PCDHGA12: variants seen among roughly 807,000 people sequenced by gnomAD.
PCDHGA12 encodes protocadherin gamma subfamily A, 12.
Under a neutral mutation model 61.1 loss-of-function variants are expected in PCDHGA12, and 43 were observed. The ratio of observed to expected loss-of-function variants is 0.70; its 90% CI spans 0.55 to 0.91. The LOEUF (loss-of-function observed/expected upper bound fraction) is 0.91, where lower values mean the gene tolerates loss of function less well. Ranked by LOEUF, PCDHGA12 falls within the 40% of genes least tolerant of loss-of-function variation. PCDHGA12 has a pLI of 0.00. For synonymous variants in PCDHGA12, 520 were observed against 542.9 expected, an observed-to-expected ratio of 0.96 and a Z score of 0.59; for missense variants, 1,236 against 1,227.7, an observed-to-expected ratio of 1.01 and a Z score of -0.10.
intron 1 of PCDHGA12, among the ~76,000 whole-genome samples, chr5:141,466,704 T>C (rs1175063183): frequency 6.6e-6 from 1 of 152,202 alleles, no homozygotes; most frequent in Admixed American, 6.5e-5. Context: ...AAATTTGATG[T>C]CTGTTCTTGT....
At chr5:141,478,808 T>C in intron 1 of PCDHGA12, 1 of 1,459,124 alleles carries the variant, frequency 6.9e-7, no homozygotes, top group African/African-American at 1.4e-5. Flanking sequence ...TCTTTTGCTA[T>C]CACAACTAAC....
chr5:141,490,200 A>G lies in PCDHGA12; in HGVS notation c.2425-4607A>G. 6.2e-6 allele frequency: 10 copies of G among 1,614,198 alleles called. No homozygotes were observed. The highest frequency in any genetic ancestry group is 8.5e-6 in the Non-Finnish European group (10 of 1,180,032). ...AGTCACGTTTCTATGAAATTCATGC[A>G]AGAGCCCGTGACCAGGGACAGCCTG... On this transcript the variant is annotated intron_variant, in intron 1 of 3. Coordinates refer to ENST00000252085, the MANE Select transcript of PCDHGA12 (RefSeq NM_003735.3). The surrounding 1 kb of genome is among the most constrained non-coding windows in gnomAD (Gnocchi z 5.4).
Position 141,438,625 on chromosome 5 carries a change from TATATATATATACAC to T in PCDHGA12, c.2424+5444_2424+5457del, listed in dbSNP as rs1291649000. Among the ~76,000 whole-genome samples, 88 of 46,398 alleles carry T rather than the reference TATATATATATACAC, an allele frequency of 1.9e-3. 1 individual carries two copies. The highest frequency in any genetic ancestry group is 8.6e-3 in the African/African-American group (72 of 8,380). 30.4% of individuals were successfully genotyped at this position (46,398 alleles called of 152,430 possible). A position where few individuals can be genotyped will look rare whatever the true frequency, so the allele number is the denominator to read the frequency against. ...ATATATATATATATATATATATATATATATATATATACACACACACACACACATATATGTATATA... is the reference window on the plus strand; with the variant it reads ...ATATATATATATATATATATATATATACACACACACACATATATGTATATA... On this transcript the variant is annotated intron_variant, in intron 1 of 3. Transcript: ENST00000252085.
At position 141,431,790 on chromosome 5, in the gene PCDHGA12, C is replaced by G; in HGVS notation, c.1031C>G (p.Ala344Gly). ...LITVLDVNDNAPEVVLTSLAS... is the reference protein window; with the variant it reads ...LITVLDVNDNGPEVVLTSLAS... ...ACTGTTCTGGACGTGAACGACAATG[C>G]CCCAGAAGTGGTCCTCACCTCTCTC... The change falls in exon 1 of 4, where the codon GCC (alanine) becomes GGC (glycine). Residue 344 changes from alanine (A) to glycine (G), a missense_variant. Physicochemically the swap from Ala to Gly is moderately conservative, Grantham distance 60. Coordinates refer to ENST00000252085, the MANE Select transcript of PCDHGA12 (RefSeq NM_003735.3). The surrounding 1 kb of genome is among the most constrained non-coding windows in gnomAD (Gnocchi z 4.8). 1 of 1,614,186 alleles carries G rather than the reference C, an allele frequency of 6.2e-7. No homozygotes were observed. Among genetic ancestry groups the G allele is most frequent in the Non-Finnish European group, 8.5e-7 (1 of 1,180,016 alleles).
intron 2 of PCDHGA12, among the ~76,000 whole-genome samples, chr5:141,504,782 G>A (rs2099841011): frequency 6.6e-6 from 1 of 151,926 alleles, no homozygotes; most frequent in Non-Finnish European, 1.5e-5. Context: ...AGGGTCTCTT[G>A]GGGCCTCCTA....
In PCDHGA12 at chr5:141,511,351, C is replaced by A. The variant is rs1190324197; in HGVS notation, c.*178C>A. 11 of 1,386,432 alleles carry A rather than the reference C, an allele frequency of 7.9e-6. No individual in the cohort carries two copies. Among genetic ancestry groups the A allele is most frequent in the South Asian group, 4.5e-5 (3 of 67,158 alleles). The allele number at this position is 1,386,432 out of a possible 1,614,324, so 85.9% of individuals were successfully genotyped here. On this transcript the variant is annotated 3_prime_UTR_variant, in exon 4 of 4. Transcript: ENST00000252085. ...CCAGTCAGCACCTACCCCTTCCCCC[C>A]CAGGGGGTTGAATATGCAAAAGCAG...
Position 141,491,737 on chromosome 5 carries a change from G to C in PCDHGA12, c.2425-3070G>C, listed in dbSNP as rs548808722. 1.2e-6 allele frequency: 2 copies of C among 1,600,586 alleles called. No homozygotes were observed. The highest frequency in any genetic ancestry group is 2.7e-5 in the African/African-American group (2 of 74,486). On this transcript the variant is annotated intron_variant, in intron 1 of 3. Transcript: ENST00000252085. The surrounding 1 kb of genome is among the most constrained non-coding windows in gnomAD (Gnocchi z 6.9). ...GGCGCCGCCCCGGGCGACCCCTGGG[G>C]GCGGCACTGGAGAAGCCGCCCGTCC...
Position 141,431,877 on chromosome 5 carries a change from AC to A in PCDHGA12, c.1120del (p.Gln374LysfsTer9). 1 of 1,614,230 alleles carries A rather than the reference AC, an allele frequency of 6.2e-7. No individual in the cohort carries two copies. The highest frequency in any genetic ancestry group is 1.3e-5 in the African/African-American group (1 of 75,070). ...TTAATTGCCCTTTTAAATGTAAATGACCAAGATTCTGAGGAAAACGGACAGG... is the reference window on the plus strand; with the variant it reads ...TTAATTGCCCTTTTAAATGTAAATGACAAGATTCTGAGGAAAACGGACAGG... ...GTLIALLNVN[D>X]QDSEENGQVI... On this transcript the variant is annotated frameshift_variant, in exon 1 of 4. Coordinates refer to ENST00000252085, the MANE Select transcript of PCDHGA12 (RefSeq NM_003735.3). LOFTEE classifies it high-confidence loss of function. The surrounding 1 kb of genome is among the most constrained non-coding windows in gnomAD (Gnocchi z 4.8).
intron 1 of PCDHGA12, among the ~76,000 whole-genome samples, chr5:141,461,288 A>G (rs1049761514): frequency 2.0e-5 from 3 of 152,092 alleles, no homozygotes; most frequent in Admixed American, 1.3e-4. Flanking sequence ...CCCCACATCC[A>G]CACCAACATC....
At chr5:141,451,154 TTTTTGGTAGTATA>T (rs2098709149) in intron 1 of PCDHGA12, among the ~76,000 whole-genome samples, 1 of 152,152 alleles carries the variant, frequency 6.6e-6, no homozygotes, top group Non-Finnish European at 1.5e-5. Flanking sequence ...ACTAGACATT[TTTTTGGTAGTATA>T]TTATTTAGCC....
At chr5:141,470,961 C>T (rs1447105252) in intron 1 of PCDHGA12, among the ~76,000 whole-genome samples, 1 of 152,036 alleles carries the variant, frequency 6.6e-6, no homozygotes, top group Non-Finnish European at 1.5e-5. Context: ...AAGTGATCCT[C>T]CCACCTCAGC....
chr5:141,471,631 G>A (rs573080972), intron 1 of PCDHGA12: 7 of 152,188 alleles, frequency 4.6e-5, no homozygotes, highest in African/African-American at 9.6e-5. Flanking sequence ...CATTGGTATG[G>A]ATTAGTAATA....
At position 141,489,076 on chromosome 5, in the gene PCDHGA12, C is replaced by T. The variant is rs536134432; in HGVS notation, c.2425-5731C>T. The T allele has an allele frequency of 6.1e-6, 2 of 326,424 alleles. No individual in the cohort carries two copies. Among genetic ancestry groups the T allele is most frequent in the East Asian group, 5.8e-5 (1 of 17,220 alleles). 20.2% of individuals were successfully genotyped at this position (326,424 alleles called of 1,614,324 possible). On this transcript the variant is annotated intron_variant, in intron 1 of 3. Coordinates refer to ENST00000252085, the MANE Select transcript of PCDHGA12 (RefSeq NM_003735.3). The surrounding 1 kb of genome is among the most constrained non-coding windows in gnomAD (Gnocchi z 4.5). The stretch of plus-strand genomic sequence containing the variant: ...CAGCTCCCCTCCCCCCTGCCCACCC[C>T]CGCCACTCGGTGACTAAGAACTGCT...
intron 2 of PCDHGA12, among the ~76,000 whole-genome samples, chr5:141,496,769 C>T (rs1434587849): frequency 2.0e-5 from 3 of 152,064 alleles, no homozygotes; most frequent in African/African-American, 7.3e-5. Flanking sequence ...CGAGCATCTA[C>T]TATGAGCAGG....
Position 141,430,857 on chromosome 5 carries a change from A to C in PCDHGA12, c.98A>C (p.Tyr33Ser), listed in dbSNP as rs748992376. 1.9e-6 allele frequency: 3 copies of C among 1,591,316 alleles called. No individual in the cohort carries two copies. Among genetic ancestry groups the C allele is most frequent in the Non-Finnish European group, 2.6e-6 (3 of 1,170,366 alleles). ...LWETGCTQIR[Y>S]SVPEELEKGS... ...GAGACCGGATGCACCCAGATACGCT[A>C]TTCAGTTCCGGAAGAGCTGGAGAAA... The change falls in exon 1 of 4, where the codon TAT (tyrosine) becomes TCT (serine). Residue 33 changes from tyrosine to serine, a missense_variant. Transcript: ENST00000252085.
chr5:141,469,226 A>G (rs998643671), intron 1 of PCDHGA12, among the ~76,000 whole-genome samples: 1 of 152,066 alleles, frequency 6.6e-6, no homozygotes, highest in Non-Finnish European at 1.5e-5. Context: ...TCAGTGAGCC[A>G]TGATCACCCC....
intron 2 of PCDHGA12, among the ~76,000 whole-genome samples, chr5:141,497,541 T>A (rs1157403777): frequency 1.1e-5 from 1 of 89,566 alleles, no homozygotes; most frequent in Admixed American, 1.2e-4. Context: ...GCAACAAACC[T>A]TTTTTTTTTT....
chr5:141,430,641 T>G lies in PCDHGA12; in HGVS notation c.-119T>G. 1.1e-6 allele frequency: 1 copy of G among 902,670 alleles called. No homozygotes were observed. The allele number at this position is 902,670 out of a possible 1,614,324, so 55.9% of individuals were successfully genotyped here. On this transcript the variant is annotated 5_prime_UTR_variant, in exon 1 of 4. Coordinates refer to ENST00000252085, the MANE Select transcript of PCDHGA12 (RefSeq NM_003735.3). ...GCTAGGAATGAACCATCCCTGGGAG[T>G]ATGTGGAAACAACGGAGGAGCTCTG...
chr5:141,497,840 C>T (rs1326804289), intron 2 of PCDHGA12, among the ~76,000 whole-genome samples: 1 of 152,154 alleles, frequency 6.6e-6, no homozygotes, highest in Non-Finnish European at 1.5e-5. Context: ...CCGGCCACAA[C>T]AAACATTTTT....
Sources: allele counts gnomAD v4.1 joint callset (sites outside exome capture counted in the v4.1 genomes callset), GRCh38; gene constraint gnomAD v4.1.1; non-coding constraint Gnocchi (gnomAD v3.1); transcripts MANE v1.5; gene names NCBI Gene and HGNC (gene_info 2026-07-23, HGNC 2026-07-21).